Variants in OR51B5 observed in about 807,000 individuals in gnomAD.
OR51B5 encodes the protein olfactory receptor family 51 subfamily B member 5.
For synonymous variants in OR51B5, 186 were observed against 144.8 expected (o/e 1.28, Z -2.04); for missense variants, 456 against 374.6 (o/e 1.22, Z -1.79).
At chr11:5,503,494 C>T (rs1846326971) in intron 1 of OR51B5, among the ~76,000 whole-genome samples, 1 of 152,178 alleles carries the variant, frequency 6.6e-6, no homozygotes, top group African/African-American at 2.4e-5. Flanking sequence ...GCAAATTCCT[C>T]AACATGTTCC....
Position 5,505,477 on chromosome 11 carries a change from A to T in OR51B5, n.84+92T>A, listed in dbSNP as rs1846358910. The T allele has an allele frequency of 4.6e-5, 59 of 1,296,650 alleles. No individual in the cohort carries two copies. The South Asian group carries it at 7.3e-4, about 16-fold the overall frequency. 80.3% of individuals were successfully genotyped at this position (1,296,650 alleles called of 1,614,324 possible). A position where few individuals can be genotyped will look rare whatever the true frequency, so the allele number is the denominator to read the frequency against. On this transcript the variant is annotated intron_variant and non_coding_transcript_variant, in intron 1 of 4. Coordinates refer to the OR51B5 transcript ENST00000415970. ...CCTAATGGGGAGTGGAGTGAGGGGA[A>T]ACTGAAGCTGTATTTGTCCGTTTTC... is the stretch of plus-strand genomic sequence containing the variant.
intron 1 of OR51B5, among the ~76,000 whole-genome samples, chr11:5,383,248 A>G (rs1404738811): frequency 6.6e-6 from 1 of 152,200 alleles, no homozygotes; most frequent in Non-Finnish European, 1.5e-5. Context: ...TGACCTGGAC[A>G]TTTGTTTGGG....
At chr11:5,492,780 G>T (rs754514299) in intron 1 of OR51B5, among the ~76,000 whole-genome samples, 3 of 152,054 alleles carry the variant, frequency 2.0e-5, no homozygotes, top group Admixed American at 6.6e-5. Context: ...GGGATTACAG[G>T]TGCATCCCAC....
Position 5,342,889 on chromosome 11 carries a change from G to GATAATCAGATA in OR51B5, c.625_635dup (p.Phe213IlefsTer2). 6.2e-7 allele frequency: 1 copy of GATAATCAGATA among 1,613,616 alleles called. No individual in the cohort carries two copies. Among genetic ancestry groups the GATAATCAGATA allele is most frequent in the Non-Finnish European group, 8.5e-7 (1 of 1,179,726 alleles). On this transcript the variant is annotated stop_gained and frameshift_variant, in exon 1 of 1. Coordinates refer to ENST00000300773, the Ensembl canonical transcript of OR51B5. LOFTEE classifies it low-confidence loss of function (END_TRUNC). ...TGAGTATCAACACATAGGAGATGAA[G>GATAATCAGATA]ATAATCAGATAATCCAGCACAAATA...
At chr11:5,504,158 G>C (rs968344661) in intron 1 of OR51B5, among the ~76,000 whole-genome samples, 9 of 151,788 alleles carry the variant, frequency 5.9e-5, no homozygotes, top group African/African-American at 2.2e-4. Context: ...AAAAAATATG[G>C]GCATGTGTTT....
At chr11:5,430,251 A>G (rs1431281880) in intron 1 of OR51B5, among the ~76,000 whole-genome samples, 1 of 152,152 alleles carries the variant, frequency 6.6e-6, no homozygotes, top group Non-Finnish European at 1.5e-5. Flanking sequence ...TGGTTAGGTA[A>G]TCCCTACCTA....
chr11:5,355,738 T>A (rs575484554), intron 1 of OR51B5, among the ~76,000 whole-genome samples: 1 of 143,134 alleles, frequency 7.0e-6, no homozygotes, highest in South Asian at 2.3e-4. Flanking sequence ...CCTTGGGAAA[T>A]TTCTAACAAT....
intron 1 of OR51B5, among the ~76,000 whole-genome samples, chr11:5,486,102 A>G (rs977705496): frequency 2.7e-5 from 4 of 149,338 alleles, no homozygotes; most frequent in Non-Finnish European, 5.9e-5. Flanking sequence ...TCGCGATATC[A>G]GACTTCCAGC....
At chr11:5,373,489 G>C (rs939933545) in intron 1 of OR51B5, among the ~76,000 whole-genome samples, 2 of 152,120 alleles carry the variant, frequency 1.3e-5, no homozygotes, top group Non-Finnish European at 2.9e-5. Flanking sequence ...AGGTCAGTGG[G>C]TGCAGCACAC....
At chr11:5,436,762 C>T (rs904891362) in intron 1 of OR51B5, among the ~76,000 whole-genome samples, 1 of 152,146 alleles carries the variant, frequency 6.6e-6, no homozygotes, top group Non-Finnish European at 1.5e-5. Flanking sequence ...CTGAGAGAAA[C>T]ATACAGAAGC....
At chr11:5,494,970 A>G (rs1851627647) in intron 1 of OR51B5, among the ~76,000 whole-genome samples, 1 of 152,198 alleles carries the variant, frequency 6.6e-6, no homozygotes, top group Non-Finnish European at 1.5e-5. Context: ...CACTGGAGAA[A>G]GTATGGTATC....
intron 1 of OR51B5, among the ~76,000 whole-genome samples, chr11:5,483,422 G>A (rs1194202906): frequency 6.9e-6 from 1 of 145,548 alleles, no homozygotes; most frequent in Non-Finnish European, 1.5e-5. Flanking sequence ...ACGAGTTAGT[G>A]GGTGCAGCGC....
chr11:5,419,306 C>T (rs1850294185), intron 1 of OR51B5, among the ~76,000 whole-genome samples: 1 of 152,166 alleles, frequency 6.6e-6, no homozygotes, highest in African/African-American at 2.4e-5. Flanking sequence ...TTATCAGGCA[C>T]ACCTAGAGAA....
upstream of OR51B5, among the ~76,000 whole-genome samples, chr11:5,348,211 G>A (rs529246488): frequency 9.2e-5 from 14 of 152,256 alleles, no homozygotes; most frequent in South Asian, 2.9e-3. Context: ...ATAAAAAAGT[G>A]AAGGATAGAT....
chr11:5,351,409 C>T, intron 1 of OR51B5: 2 of 825,938 alleles, frequency 2.4e-6, no homozygotes, highest in Non-Finnish European at 3.8e-6. Context: ...GACTGGTGAA[C>T]ATCTTATGAA....
upstream of OR51B5, among the ~76,000 whole-genome samples, chr11:5,343,909 A>AT (rs1256537375): frequency 1.3e-5 from 2 of 152,158 alleles, no homozygotes; most frequent in Non-Finnish European, 2.9e-5. Context: ...GCTAACACTA[A>AT]TTTTTTTCTG....
chr11:5,460,795 TAA>T (rs1851038566), intron 1 of OR51B5, among the ~76,000 whole-genome samples: 1 of 152,246 alleles, frequency 6.6e-6, no homozygotes. Context: ...AAATGTGATA[TAA>T]GTTTGGTTTA....
At chr11:5,439,090 C>T (rs1850634909) in intron 1 of OR51B5, among the ~76,000 whole-genome samples, 1 of 143,932 alleles carries the variant, frequency 6.9e-6, no homozygotes, top group African/African-American at 2.6e-5. Flanking sequence ...TTCTTTCTCT[C>T]TCTCTCGTCC....
chr11:5,412,657 A>C (rs1435434892), intron 1 of OR51B5, among the ~76,000 whole-genome samples: 1 of 152,202 alleles, frequency 6.6e-6, no homozygotes, highest in Non-Finnish European at 1.5e-5. Flanking sequence ...CATGGCTCAG[A>C]GGGTCCTACG....
Sources: gnomAD v4.1 joint callset for allele counts (sites outside exome capture counted in the v4.1 genomes callset) on GRCh38, gnomAD v4.1.1 for gene constraint, MANE v1.5 for transcripts, NCBI Gene and HGNC (gene_info 2026-07-23, HGNC 2026-07-21) for gene names.